Variants in RYR3 observed in about 807,000 individuals in gnomAD.
RYR3 encodes the protein brain ryanodine receptor-calcium release channel.
A neutral mutation model predicts 584.3 loss-of-function variants in RYR3; 207 were observed. The ratio of observed to expected loss-of-function variants is 0.35; its 90% CI spans 0.32 to 0.40. The LOEUF (loss-of-function observed/expected upper bound fraction) is 0.40. Among genes scored for constraint, RYR3 ranks in the 10% least tolerant of loss-of-function variants. The pLI is 1.00. For missense variants in RYR3, 5,616 were observed against 6,089.2 expected (o/e 0.92, Z 2.59); for synonymous variants, 2,416 against 2,248.5 (o/e 1.07, Z -2.11).
chr15:33,844,208 T>G (rs1341503057), intron 92 of RYR3, among the ~76,000 whole-genome samples: 1 of 152,172 alleles, frequency 6.6e-6, no homozygotes, highest in Non-Finnish European at 1.5e-5. Context: ...ACCTCAACTT[T>G]CCACTCGACA....
Position 33,865,543 on chromosome 15 carries a change from GGCTAGAGAA to G in RYR3, c.*319_*327del. ...GTTGGGATGGAAGCATGAAGGAAAG[GGCTAGAGAA>G]GTATGAAATCTCGAATGTGTAATAC... On this transcript the variant is annotated 3_prime_UTR_variant, in exon 104 of 104. Transcript: ENST00000634891. 1 of 271,100 alleles carries G rather than the reference GGCTAGAGAA, an allele frequency of 3.7e-6. No homozygotes were observed. Among genetic ancestry groups the G allele is most frequent in the Non-Finnish European group, 7.0e-6 (1 of 142,902 alleles). 16.8% of individuals were successfully genotyped at this position (271,100 alleles called of 1,614,324 possible).
At chr15:33,559,689 G>A (rs2057299403) in intron 10 of RYR3, among the ~76,000 whole-genome samples, 1 of 152,216 alleles carries the variant, frequency 6.6e-6, no homozygotes, top group African/African-American at 2.4e-5. Flanking sequence ...GCTAGAGGAG[G>A]TCTGGCTGTG....
chr15:33,443,253 C>A, intron 1 of RYR3, among the ~76,000 whole-genome samples: 1 of 101,170 alleles, frequency 9.9e-6, no homozygotes. Context: ...AGTAAGACTC[C>A]ACCTCAAAAA....
At chr15:33,531,016 T>C (rs758799569) in intron 4 of RYR3, among the ~76,000 whole-genome samples, 2 of 152,128 alleles carry the variant, frequency 1.3e-5, no homozygotes, top group East Asian at 1.9e-4. Context: ...AAATGGCTTA[T>C]GGAGTAACAG....
chr15:33,672,563 T>A (rs2063911190), intron 38 of RYR3, among the ~76,000 whole-genome samples: 1 of 152,196 alleles, frequency 6.6e-6, no homozygotes, highest in Non-Finnish European at 1.5e-5. Flanking sequence ...CACTCAAGCC[T>A]GGCATTTTAA....
Position 33,584,500 on chromosome 15 carries a change from G to C in RYR3, c.1669+10G>C, listed in dbSNP as rs763807078. ...CTAGAATCTTCCTCAGGTGAGAATT[G>C]ACAGGAAACTATAACTAGAAAAGAT... On this transcript the variant is annotated intron_variant, in intron 15 of 103. Transcript: ENST00000634891. 7.8e-7 allele frequency: 1 copy of C among 1,282,524 alleles called. No homozygotes were observed. The highest frequency in any genetic ancestry group is 1.1e-6 in the Non-Finnish European group (1 of 897,096). 79.4% of individuals were successfully genotyped at this position (1,282,524 alleles called of 1,614,324 possible).
intron 85 of RYR3, 40 bp from the exon 86 acceptor site, chr15:33,830,923 G>T (rs2077639924): frequency 6.2e-7 from 1 of 1,601,480 alleles, no homozygotes; most frequent in East Asian, 2.2e-5. Flanking sequence ...TTCACTGACT[G>T]AAGTCTGAGA....
intron 55 of RYR3, among the ~76,000 whole-genome samples, chr15:33,749,662 G>T (rs1479393255): frequency 6.6e-6 from 1 of 152,162 alleles, no homozygotes; most frequent in African/African-American, 2.4e-5. Context: ...ACAATACCAA[G>T]CTGCTGTGAA....
chr15:33,676,982 C>A (rs181209334), intron 38 of RYR3, among the ~76,000 whole-genome samples: 1 of 152,130 alleles, frequency 6.6e-6, no homozygotes, highest in African/African-American at 2.4e-5. Context: ...CCTTTGTGCC[C>A]GGTACTGCGC....
chr15:33,637,252 T>C (rs912857186), intron 27 of RYR3, among the ~76,000 whole-genome samples: 1 of 151,882 alleles, frequency 6.6e-6, no homozygotes, highest in African/African-American at 2.4e-5. Flanking sequence ...AACAAGCTCA[T>C]TGGCTCCCAA....
chr15:33,598,120 A>G (rs2059464779), intron 16 of RYR3, among the ~76,000 whole-genome samples: 1 of 151,908 alleles, frequency 6.6e-6, no homozygotes. Flanking sequence ...AATTAAACAT[A>G]AAATTAAACT....
chr15:33,337,375 G>A (rs1251291550), intron 1 of RYR3, among the ~76,000 whole-genome samples: 3 of 152,132 alleles, frequency 2.0e-5, no homozygotes, highest in South Asian at 2.1e-4. Context: ...CAGAGCCTAG[G>A]TAATGTTATA....
At chr15:33,802,033 C>T in intron 69 of RYR3, 72 bp downstream of exon 69, 1 of 935,504 alleles carries the variant, frequency 1.1e-6, no homozygotes, top group Non-Finnish European at 1.8e-6. Flanking sequence ...CTGTTTCATA[C>T]TTTCTGGGGA....
chr15:33,446,428 A>T (rs2046668919), intron 1 of RYR3, among the ~76,000 whole-genome samples: 1 of 152,186 alleles, frequency 6.6e-6, no homozygotes, highest in Non-Finnish European at 1.5e-5. Flanking sequence ...GGCTTAACAG[A>T]AATCTATTTT....
intron 74 of RYR3, among the ~76,000 whole-genome samples, chr15:33,814,595 G>C (rs1422855274): frequency 6.6e-6 from 1 of 152,094 alleles, no homozygotes; most frequent in Non-Finnish European, 1.5e-5. Flanking sequence ...GGTCTTTGAA[G>C]ATAGTTAAGA....
At chr15:33,835,675 C>T (rs1478562047) in intron 87 of RYR3, among the ~76,000 whole-genome samples, 1 of 152,230 alleles carries the variant, frequency 6.6e-6, no homozygotes, top group Non-Finnish European at 1.5e-5. Context: ...GCAGCTTTAA[C>T]TTAAATCATG....
intron 2 of RYR3, among the ~76,000 whole-genome samples, chr15:33,481,563 C>T (rs1218315149): frequency 1.3e-5 from 2 of 152,156 alleles, no homozygotes; most frequent in African/African-American, 2.4e-5. Flanking sequence ...TCACTGCAAC[C>T]TCTGCCTCCT....
chr15:33,748,496 A>G lies in RYR3; in HGVS notation c.8165A>G (p.Asp2722Gly). 1 of 1,613,252 alleles carries G rather than the reference A, an allele frequency of 6.2e-7. No homozygotes were observed. The highest frequency in any genetic ancestry group is 8.5e-7 in the Non-Finnish European group (1 of 1,179,716). ...QGNSYSPAPLDLSNVVLSREL... is the reference protein window; with the variant it reads ...QGNSYSPAPLGLSNVVLSREL... The stretch of plus-strand genomic sequence containing the variant: ...AACAGCTACAGTCCTGCTCCCCTCG[A>G]CCTCTCAAACGTTGTGCTCTCCAGA... Residue 2722 changes from aspartate (D) to glycine (G), a missense_variant, in exon 55 of 104, where the codon GAC (aspartate) becomes GGC (glycine). Coordinates refer to ENST00000634891, the MANE Select transcript of RYR3 (RefSeq NM_001036.6).
intron 16 of RYR3, among the ~76,000 whole-genome samples, chr15:33,588,871 C>T (rs1026609257): frequency 2.0e-5 from 3 of 151,906 alleles, no homozygotes; most frequent in East Asian, 1.9e-4. Context: ...TGGATATGTA[C>T]GTTCGTTCCA....
Sources: gnomAD v4.1 joint callset for allele counts (sites outside exome capture counted in the v4.1 genomes callset) on GRCh38, gnomAD v4.1.1 for gene constraint, MANE v1.5 for transcripts, NCBI Gene and HGNC (gene_info 2026-07-23, HGNC 2026-07-21) for gene names.